Variants in PIK3R1 observed in about 807,000 individuals in gnomAD.
The protein encoded by PIK3R1 is phosphoinositide-3-kinase regulatory subunit 1.
A neutral mutation model predicts 98.0 loss-of-function variants in PIK3R1; 29 were observed. The ratio of observed to expected loss-of-function variants is 0.30; its 90% confidence interval spans 0.22 to 0.40. The LOEUF (loss-of-function observed/expected upper bound fraction) is 0.40. Ranked by LOEUF, PIK3R1 falls within the 10% of genes least tolerant of loss-of-function variation. The pLI, the probability that PIK3R1 is intolerant of heterozygous loss-of-function variation, is 1.00. For synonymous variants in PIK3R1, 282 were observed against 311.8 expected (o/e 0.90, Z 1.01); for missense variants, 596 against 872.7 (o/e 0.68, Z 3.99).
intron 2 of PIK3R1, among the ~76,000 whole-genome samples, chr5:68,228,849 T>C (rs1744375408): frequency 6.6e-6 from 1 of 152,240 alleles, no homozygotes; most frequent in African/African-American, 2.4e-5. Flanking sequence ...CAAGTTTCTT[T>C]GGCTCTGGTG....
chr5:68,284,213 C>T (rs967754924), intron 7 of PIK3R1, among the ~76,000 whole-genome samples: 5 of 152,164 alleles, frequency 3.3e-5, no homozygotes, highest in Non-Finnish European at 7.4e-5. Flanking sequence ...CTTTTGAGGC[C>T]TTATGGGAGC....
chr5:68,278,148 G>C lies in PIK3R1; in HGVS notation c.503-1454G>C, dbSNP rs547484189. Among the ~76,000 whole-genome samples, 10 of 152,094 alleles carry C rather than the reference G, an allele frequency of 6.6e-5. No homozygotes were observed. In the East Asian group the frequency reaches 1.9e-3, roughly 30 times the overall value. On this transcript the variant is annotated intron_variant, in intron 4 of 15. Coordinates refer to ENST00000521381, the MANE Select transcript of PIK3R1 (RefSeq NM_181523.3). Reference sequence around the variant, plus strand: ...CCAAGTACTTAGAGTGCCATGCGTAGTGAGTGCCTGGAGGGTGGTATTGAT... The same window carrying C: ...CCAAGTACTTAGAGTGCCATGCGTACTGAGTGCCTGGAGGGTGGTATTGAT...
chr5:68,240,496 C>G (rs1213391047), intron 2 of PIK3R1, among the ~76,000 whole-genome samples: 1 of 152,252 alleles, frequency 6.6e-6, no homozygotes, highest in African/African-American at 2.4e-5. Flanking sequence ...GACCACATCT[C>G]TCCAGCCCTT....
rs958232352 is a variant in PIK3R1 at position 68,249,763 on chromosome 5, G to C, written c.334+22754G>C. On this transcript the variant is annotated intron_variant, in intron 2 of 15. Coordinates refer to ENST00000521381, the MANE Select transcript of PIK3R1 (RefSeq NM_181523.3). ...AGTACTCTTTGAAAGGGGCCTGCTT[G>C]TGGTGGGGTGGGGGGCGTTAACATA... 2.6e-5 allele frequency among the ~76,000 whole-genome samples: 4 copies of C among 152,154 alleles called. No homozygotes were observed. The South Asian group carries it at 6.2e-4, about 24-fold the overall frequency.
At chr5:68,295,740 C>A in intron 14 of PIK3R1, 1 of 512,496 alleles carries the variant, frequency 2.0e-6, no homozygotes, top group Non-Finnish European at 3.5e-6. Context: ...CCCTGAACAT[C>A]TGAAAAATCC....
intron 2 of PIK3R1, among the ~76,000 whole-genome samples, chr5:68,270,721 CT>C: frequency 6.6e-6 from 1 of 152,200 alleles, no homozygotes; most frequent in East Asian, 1.9e-4. Flanking sequence ...ATAAATAACA[CT>C]TTTCTACATC....
intron 2 of PIK3R1, among the ~76,000 whole-genome samples, chr5:68,236,281 G>A (rs559375706): frequency 4.4e-4 from 66 of 151,586 alleles, no homozygotes; most frequent in East Asian, 2.2e-3. Context: ...ATGGAGTCTC[G>A]CTCTGTCGCC....
chr5:68,287,438 C>T (rs575675312), intron 7 of PIK3R1, among the ~76,000 whole-genome samples: 1 of 152,264 alleles, frequency 6.6e-6, no homozygotes, highest in Admixed American at 6.5e-5. Context: ...ACTTCACCTC[C>T]CTGGGTCAGA....
intron 2 of PIK3R1, among the ~76,000 whole-genome samples, chr5:68,229,245 G>T (rs1744390198): frequency 6.6e-6 from 1 of 152,086 alleles, no homozygotes; most frequent in South Asian, 2.1e-4. Context: ...CCTATGAGTT[G>T]CATGTTGAAT....
intron 2 of PIK3R1, among the ~76,000 whole-genome samples, chr5:68,263,221 A>G (rs1050521891): frequency 7.2e-6 from 1 of 138,262 alleles, no homozygotes; most frequent in African/African-American, 2.7e-5. Context: ...ATATTTCTAC[A>G]TATATATCTA....
At chr5:68,291,204 G>A (rs1747367507) in intron 7 of PIK3R1, 2 of 174,196 alleles carry the variant, frequency 1.1e-5, no homozygotes, top group Admixed American at 1.2e-4. Context: ...TGAGAACAGT[G>A]TAGCACTTTG....
At chr5:68,272,476 C>A (rs1746403242) in intron 2 of PIK3R1, among the ~76,000 whole-genome samples, 1 of 152,068 alleles carries the variant, frequency 6.6e-6, no homozygotes, top group African/African-American at 2.4e-5. Context: ...TGCAGTTTCA[C>A]AAATTTAAGA....
rs542532665 is a variant in PIK3R1 at position 68,222,219 on chromosome 5, T to C, written c.-386-4071T>C. 5.9e-5 allele frequency among the ~76,000 whole-genome samples: 9 copies of C among 152,268 alleles called. 1 individual carries two copies. Among genetic ancestry groups the C allele is most frequent in the African/African-American group, 2.2e-4 (9 of 41,534 alleles). On this transcript the variant is annotated intron_variant, in intron 1 of 15. Transcript: ENST00000521381. ...GGAAAAATCCTGTTGATTTGGATAG[T>C]TTAGGCTCCAGGTCGATCTCGGTAG...
At chr5:68,259,409 T>C (rs1745650894) in intron 2 of PIK3R1, among the ~76,000 whole-genome samples, 1 of 152,228 alleles carries the variant, frequency 6.6e-6, no homozygotes, top group South Asian at 2.1e-4. Context: ...TAAACTCTAC[T>C]CATTGACTAT....
At chr5:68,288,445 C>T (rs1580254253) in intron 7 of PIK3R1, 1 of 1,271,738 alleles carries the variant, frequency 7.9e-7, no homozygotes, top group East Asian at 3.3e-5. Context: ...GTTGGCTTCT[C>T]AATGAGGAGC....
intron 2 of PIK3R1, among the ~76,000 whole-genome samples, chr5:68,242,965 A>G (rs932359367): frequency 2.0e-5 from 3 of 152,148 alleles, no homozygotes; most frequent in African/African-American, 7.2e-5. Flanking sequence ...GTGCTCTACA[A>G]GTATAGAAAG....
chr5:68,216,812 C>T (rs1201251520), intron 1 of PIK3R1, among the ~76,000 whole-genome samples: 4 of 152,250 alleles, frequency 2.6e-5, no homozygotes, highest in Non-Finnish European at 5.9e-5. Context: ...GATCACAAGA[C>T]AAAGAGAACA....
chr5:68,271,186 G>A (rs544509983), intron 2 of PIK3R1, among the ~76,000 whole-genome samples: 12 of 152,268 alleles, frequency 7.9e-5, no homozygotes, highest in South Asian at 4.1e-4. Context: ...TTTCTAGCAC[G>A]TCCTCCAGGT....
rs1304032623 is a variant in PIK3R1, at chr5:68,299,440, G to C, written c.*1839G>C. 4.3e-6 allele frequency: 1 copy of C among 233,506 alleles called. No homozygotes were observed. Among genetic ancestry groups the C allele is most frequent in the Non-Finnish European group, 8.5e-6 (1 of 118,018 alleles). 14.5% of individuals were successfully genotyped at this position (233,506 alleles called of 1,614,324 possible). The stretch of plus-strand genomic sequence containing the variant: ...ATTGTATGTGCTTCACTACGGGGGG[G>C]AGAAGGAAACGTTAGCATCATGTTT... On this transcript the variant is annotated 3_prime_UTR_variant, in exon 16 of 16. Transcript: ENST00000521381.
Sources: allele counts gnomAD v4.1 joint callset (sites outside exome capture counted in the v4.1 genomes callset), GRCh38; gene constraint gnomAD v4.1.1; transcripts MANE v1.5; gene names NCBI Gene and HGNC (gene_info 2026-07-23, HGNC 2026-07-21).